The following CAMTA1 variants were observed in gnomAD, a reference collection of about 807,000 sequenced individuals.
The protein encoded by CAMTA1 is calmodulin-binding transcription activator 1.
In CAMTA1, 27 loss-of-function variants were observed where a neutral mutation model predicts 170.9. The ratio of observed to expected loss-of-function variants is 0.16; its 90% CI spans 0.12 to 0.22. The LOEUF is 0.22. Ranked by LOEUF, CAMTA1 falls within the 10% of genes least tolerant of loss-of-function variation. CAMTA1 has a pLI of 1.00. For synonymous variants in CAMTA1, 833 were observed against 891.5 expected (o/e 0.93, Z 1.17); for missense variants, 1,619 against 2,217.2 (o/e 0.73, Z 5.42).
At chr1:6,926,890 C>T (rs1192490188) in intron 3 of CAMTA1, among the ~76,000 whole-genome samples, 1 of 151,956 alleles carries the variant, frequency 6.6e-6, no homozygotes, top group African/African-American at 2.4e-5. Flanking sequence ...GCCACCATGC[C>T]CAGCTAACTC....
intron 5 of CAMTA1, among the ~76,000 whole-genome samples, chr1:7,349,828 A>G (rs981969587): frequency 2.0e-5 from 3 of 152,238 alleles, no homozygotes; most frequent in African/African-American, 7.2e-5. Flanking sequence ...AATTCACTCC[A>G]TAACAGTCCT....
chr1:7,590,273 C>A (rs2095345790), intron 6 of CAMTA1, among the ~76,000 whole-genome samples: 1 of 152,164 alleles, frequency 6.6e-6, no homozygotes, highest in African/African-American at 2.4e-5. Context: ...CTGGCCAGGG[C>A]TGATCCTGAG....
intron 3 of CAMTA1, among the ~76,000 whole-genome samples, chr1:6,891,403 G>A (rs932503326): frequency 1.3e-5 from 2 of 152,230 alleles, no homozygotes; most frequent in Admixed American, 6.5e-5. Flanking sequence ...CATTGTAGAT[G>A]TGTTGGCATT....
At position 7,044,314 on chromosome 1, in the gene CAMTA1, C is replaced by T. The variant is rs1248882664; in HGVS notation, c.235-46990C>T. ...CGGGAATGGGGGAGACCCAGAGAGA[C>T]GCAGAGCAGTGCCGCTGGGGACCCC... On this transcript the variant is annotated intron_variant, in intron 3 of 22. Coordinates refer to ENST00000303635, the MANE Select transcript of CAMTA1 (RefSeq NM_015215.4). The surrounding 1 kb of genome is among the most constrained non-coding windows in gnomAD (Gnocchi z 5.0). Among the ~76,000 whole-genome samples, 1 of 152,182 alleles carries T rather than the reference C, an allele frequency of 6.6e-6. No homozygotes were observed. The highest frequency in any genetic ancestry group is 1.5e-5 in the Non-Finnish European group (1 of 68,022).
intron 5 of CAMTA1, among the ~76,000 whole-genome samples, chr1:7,436,953 G>T (rs1040793014): frequency 6.6e-6 from 1 of 152,118 alleles, no homozygotes; most frequent in Non-Finnish European, 1.5e-5. Flanking sequence ...AAGCCTGCAC[G>T]TTGGGGGGAA....
At chr1:7,582,792 G>A (rs1031684135) in intron 6 of CAMTA1, among the ~76,000 whole-genome samples, 3 of 151,920 alleles carry the variant, frequency 2.0e-5, no homozygotes, top group Non-Finnish European at 4.4e-5. Context: ...GAGCTGGGAA[G>A]TGTCACACAG....
At chr1:6,995,158 ACT>A (rs1696998973) in intron 3 of CAMTA1, among the ~76,000 whole-genome samples, 1 of 148,254 alleles carries the variant, frequency 6.7e-6, no homozygotes, top group Non-Finnish European at 1.5e-5. Flanking sequence ...TGTTTTTCAA[ACT>A]CTTTTTTTTT....
chr1:7,270,262 CACACACACACACAT>C (rs200738046), intron 5 of CAMTA1, among the ~76,000 whole-genome samples: 14,338 of 92,042 alleles, frequency 0.16, 922 homozygotes, highest in Middle Eastern at 0.25. Context: ...CACACACACA[CACACACACACACAT>C]ATATATATAT....
chr1:6,933,828 G>A (rs1004636115), intron 3 of CAMTA1, among the ~76,000 whole-genome samples: 1 of 152,114 alleles, frequency 6.6e-6, no homozygotes, highest in Admixed American at 6.5e-5. Context: ...TTGATCCGGT[G>A]GTCTGTCTTT....
chr1:7,744,812 G>T (rs778030698), intron 16 of CAMTA1, 23 bp from the exon 17 acceptor site: 1 of 1,604,740 alleles, frequency 6.2e-7, no homozygotes, highest in Non-Finnish European at 8.5e-7. Flanking sequence ...TAACCTGAGT[G>T]TTCTGTGAAC....
At position 7,456,186 on chromosome 1, in the gene CAMTA1, G is replaced by A. The variant is rs1332143060; in HGVS notation, c.439-11644G>A. On this transcript the variant is annotated intron_variant, in intron 5 of 22. Transcript: ENST00000303635. This position sits in a 1 kb window ranked among gnomAD's most constrained non-coding sequence, Gnocchi z 4.9. Reference sequence around the variant, plus strand: ...GGGAGGGAGGGAGATGGAAGGGAGGGAGGAAAAATGGGAGGGAGGGAGGAA... The same window carrying A: ...GGGAGGGAGGGAGATGGAAGGGAGGAAGGAAAAATGGGAGGGAGGGAGGAA... Among the ~76,000 whole-genome samples the A allele has an allele frequency of 1.4e-5, 2 of 144,910 alleles. No homozygotes were observed. Among genetic ancestry groups the A allele is most frequent in the Non-Finnish European group, 3.0e-5 (2 of 65,902 alleles).
chr1:7,215,081 C>G (rs1659517612), intron 4 of CAMTA1, among the ~76,000 whole-genome samples: 2 of 151,948 alleles, frequency 1.3e-5, no homozygotes, highest in Admixed American at 1.3e-4. Flanking sequence ...TATAATAAGC[C>G]TTCATCTGTA....
intron 9 of CAMTA1, among the ~76,000 whole-genome samples, chr1:7,667,448 G>A (rs996082861): frequency 1.2e-4 from 19 of 152,168 alleles, no homozygotes; most frequent in Non-Finnish European, 1.8e-4. Context: ...TGGCTGAGAG[G>A]GGGTGGCCTC....
intron 3 of CAMTA1, among the ~76,000 whole-genome samples, chr1:7,085,107 G>C (rs1640563810): frequency 6.6e-6 from 1 of 152,180 alleles, no homozygotes; most frequent in African/African-American, 2.4e-5. Flanking sequence ...TAGGATTTAA[G>C]CCCTGCATGC....
chr1:7,077,265 A>T (rs4565737), intron 3 of CAMTA1, among the ~76,000 whole-genome samples: 1 of 146,432 alleles, frequency 6.8e-6, no homozygotes. Context: ...TTCTCCCTGT[A>T]TGAAAGAAGC....
At chr1:7,731,600 A>G (rs2096734164) in intron 11 of CAMTA1, among the ~76,000 whole-genome samples, 1 of 151,676 alleles carries the variant, frequency 6.6e-6, no homozygotes, top group Non-Finnish European at 1.5e-5. Flanking sequence ...AAAGAAAGAA[A>G]TGTGGCTGAG....
intron 5 of CAMTA1, among the ~76,000 whole-genome samples, chr1:7,407,763 G>C (rs145729211): frequency 1.3e-5 from 2 of 152,216 alleles, no homozygotes; most frequent in Admixed American, 6.5e-5. Flanking sequence ...TTAGAAGGGA[G>C]CCTGATGCCC....
chr1:7,068,630 T>C (rs1572823609), intron 3 of CAMTA1, among the ~76,000 whole-genome samples: 1 of 151,920 alleles, frequency 6.6e-6, no homozygotes, highest in Non-Finnish European at 1.5e-5. Context: ...TCTGGACAAA[T>C]AAAGTAAAAG....
intron 3 of CAMTA1, among the ~76,000 whole-genome samples, chr1:7,062,004 G>A (rs1400030487): frequency 5.9e-5 from 9 of 152,036 alleles, no homozygotes; most frequent in Non-Finnish European, 8.8e-5. Flanking sequence ...TGCAACCTCC[G>A]CCTACCGGGT....
Sources: allele counts gnomAD v4.1 joint callset (sites outside exome capture counted in the v4.1 genomes callset), GRCh38; gene constraint gnomAD v4.1.1; non-coding constraint Gnocchi (gnomAD v3.1); transcripts MANE v1.5; gene names NCBI Gene and HGNC (gene_info 2026-07-23, HGNC 2026-07-21).